Variants in TMEM67 observed in about 807,000 individuals in gnomAD.
TMEM67 encodes the protein meckelin.
Under a neutral mutation model 136.6 loss-of-function variants are expected in TMEM67, and 124 were observed. That is an observed-to-expected ratio of 0.91 (90% CI 0.78 to 1.05). TMEM67 has a LOEUF of 1.05. Ranked by LOEUF, TMEM67 falls within the 50% of genes least tolerant of loss-of-function variation. The pLI is 0.00. For synonymous variants in TMEM67, 364 were observed against 390.5 expected, an observed-to-expected ratio of 0.93 and a Z score of 0.80; for missense variants, 1,107 against 1,178.4, an observed-to-expected ratio of 0.94 and a Z score of 0.89.
intron 11 of TMEM67, among the ~76,000 whole-genome samples, chr8:93,783,239 G>A (rs992734202): frequency 2.6e-5 from 4 of 152,128 alleles, no homozygotes; most frequent in Non-Finnish European, 5.9e-5. Context: ...ACCAGCCTTG[G>A]CCTCCCAAAG....
rs1016273715 is a variant in TMEM67 at position 93,817,278 on chromosome 8, T to C, written c.*826T>C. On this transcript the variant is annotated 3_prime_UTR_variant, in exon 28 of 28. Transcript: ENST00000453321. ...TGGGCGCTGTGGCTTACGCCTGTAA[T>C]CCCAGCACTTTGGAAGGCCAAGGCA... 2 of 152,272 alleles carry C rather than the reference T, an allele frequency of 1.3e-5. No homozygotes were observed. The highest frequency in any genetic ancestry group is 2.4e-5 in the African/African-American group (1 of 41,474). The allele number at this position is 152,272 out of a possible 1,614,324, so 9.4% of individuals were successfully genotyped here. A position where few individuals can be genotyped will look rare whatever the true frequency, so the allele number is the denominator to read the frequency against.
chr8:93,802,606 A>C (rs1164301639), intron 21 of TMEM67, among the ~76,000 whole-genome samples: 1 of 152,218 alleles, frequency 6.6e-6, no homozygotes, highest in Non-Finnish European at 1.5e-5. Context: ...ACAACCTGTT[A>C]CAGTTTCATA....
chr8:93,785,820 T>G (rs1278896726), intron 12 of TMEM67: 1 of 238,138 alleles, frequency 4.2e-6, no homozygotes, highest in Admixed American at 5.2e-5. Context: ...ACGCCTATAA[T>G]CGCAGCACTT....
At chr8:93,818,605 G>A (rs1461149513), downstream of TMEM67, among the ~76,000 whole-genome samples, 1 of 152,210 alleles carries the variant, frequency 6.6e-6, no homozygotes, top group Non-Finnish European at 1.5e-5. Context: ...GCAGTGAGGA[G>A]TGTGGCTTAA....
intron 11 of TMEM67, among the ~76,000 whole-genome samples, chr8:93,783,981 T>C (rs940307340): frequency 2.6e-5 from 4 of 152,212 alleles, no homozygotes; most frequent in Non-Finnish European, 5.9e-5. Context: ...ATCAATTCAT[T>C]AGTCTGTAAA....
intron 11 of TMEM67, among the ~76,000 whole-genome samples, chr8:93,783,060 C>T (rs1813918050): frequency 6.6e-6 from 1 of 152,172 alleles, no homozygotes; most frequent in Non-Finnish European, 1.5e-5. Flanking sequence ...TCTCAGCTCA[C>T]TGCAATCTCT....
chr8:93,799,908 T>A, intron 21 of TMEM67, 150 bp downstream of exon 21: 2 of 440,080 alleles, frequency 4.5e-6, no homozygotes, highest in African/African-American at 2.3e-5. Context: ...TCAGTTCTTT[T>A]TTTTTTTTTT....
intron 23 of TMEM67, among the ~76,000 whole-genome samples, chr8:93,807,516 A>G (rs976475530): frequency 2.6e-5 from 4 of 152,060 alleles, no homozygotes; most frequent in Non-Finnish European, 4.4e-5. Context: ...TGTGATCCCA[A>G]TTTTATGCTA....
At chr8:93,825,949 A>G in the TMEM67 span, among the ~76,000 whole-genome samples, 1 of 152,246 alleles carries the variant, frequency 6.6e-6, no homozygotes, top group African/African-American at 2.4e-5. Flanking sequence ...TTGGCCTCCT[A>G]TGATGGTGAG....
At chr8:93,812,726 G>A (rs758920467) in intron 26 of TMEM67, among the ~76,000 whole-genome samples, 2 of 152,170 alleles carry the variant, frequency 1.3e-5, no homozygotes, top group East Asian at 1.9e-4. Flanking sequence ...GAAAGGAAAT[G>A]TTATTATTGT....
the TMEM67 span, among the ~76,000 whole-genome samples, chr8:93,826,996 AT>A: frequency 1.3e-5 from 2 of 152,012 alleles, no homozygotes; most frequent in African/African-American, 4.8e-5. Context: ...CGCCCAGCTA[AT>A]TTTTTGTATT....
At chr8:93,801,543 A>G (rs913547652) in intron 21 of TMEM67, among the ~76,000 whole-genome samples, 2 of 152,130 alleles carry the variant, frequency 1.3e-5, no homozygotes, top group African/African-American at 2.4e-5. Context: ...CTGGGATTAC[A>G]GGCACCTGCC....
chr8:93,811,411 A>G (rs775553247), intron 26 of TMEM67: 9 of 152,258 alleles, frequency 5.9e-5, no homozygotes, highest in Non-Finnish European at 1.3e-4. Flanking sequence ...ATAAAGTCTG[A>G]TATGAAGTGG....
chr8:93,778,816 C>T (rs1439194533), intron 7 of TMEM67, among the ~76,000 whole-genome samples: 1 of 152,188 alleles, frequency 6.6e-6, no homozygotes, highest in Non-Finnish European at 1.5e-5. Context: ...CTTGGTGAAT[C>T]TGACAATTAT....
intron 14 of TMEM67, 150 bp downstream of exon 14, chr8:93,788,099 A>C: frequency 1.5e-6 from 1 of 663,440 alleles, no homozygotes; most frequent in Non-Finnish European, 2.6e-6. Flanking sequence ...ATTATTCTTT[A>C]CTAATAATGG....
intron 11 of TMEM67, 99 bp from the exon 12 acceptor site, chr8:93,785,120 TATG>T: frequency 1.2e-6 from 1 of 803,756 alleles, no homozygotes; most frequent in Non-Finnish European, 2.1e-6. Flanking sequence ...AGATAATAAA[TATG>T]CTTGCTAATT....
chr8:93,781,618 C>A, intron 9 of TMEM67, 40 bp from the exon 10 acceptor site: 3 of 960,856 alleles, frequency 3.1e-6, no homozygotes, highest in South Asian at 3.0e-5. Flanking sequence ...GTATTACTTT[C>A]AGAGTATTTG....
At chr8:93,826,381 G>A in the TMEM67 span, among the ~76,000 whole-genome samples, 4 of 151,816 alleles carry the variant, frequency 2.6e-5, no homozygotes, top group African/African-American at 7.3e-5. Context: ...CGCCCGCCTC[G>A]GCTTCCCAAA....
chr8:93,778,861 T>A (rs1227138613), intron 7 of TMEM67, among the ~76,000 whole-genome samples: 5 of 152,204 alleles, frequency 3.3e-5, no homozygotes, highest in African/African-American at 1.2e-4. Flanking sequence ...GGAGTATCTT[T>A]GTTTTGTTCT....
Sources: gnomAD v4.1 joint callset for allele counts (sites outside exome capture counted in the v4.1 genomes callset) on GRCh38, gnomAD v4.1.1 for gene constraint, MANE v1.5 for transcripts, NCBI Gene and HGNC (gene_info 2026-07-23, HGNC 2026-07-21) for gene names.